AFF3: variants seen among roughly 807,000 people sequenced by gnomAD.
AFF3 encodes the protein ALF transcription elongation factor 3, also known as AF4/FMR2 family member 3.
A neutral mutation model predicts 129.7 loss-of-function variants in AFF3; 32 were observed. That is an observed-to-expected ratio of 0.25 (90% CI 0.19 to 0.33). The LOEUF (loss-of-function observed/expected upper bound fraction) is 0.33, where lower values mean the gene tolerates loss of function less well. AFF3 is among the 10% of genes least tolerant of loss of function. AFF3 has a pLI of 1.00. For missense variants in AFF3, 1,373 were observed against 1,592.0 expected (o/e 0.86, Z 2.34); for synonymous variants, 644 against 635.4 (o/e 1.01, Z -0.20).
chr2:99,964,881 T>C (rs1677589438), intron 7 of AFF3, among the ~76,000 whole-genome samples: 1 of 152,090 alleles, frequency 6.6e-6, no homozygotes, highest in Non-Finnish European at 1.5e-5. Flanking sequence ...TGGAGGAAAA[T>C]GGGTGAAGGG....
chr2:99,895,207 C>T (rs751934168), intron 7 of AFF3, among the ~76,000 whole-genome samples: 1 of 152,194 alleles, frequency 6.6e-6, no homozygotes, highest in Non-Finnish European at 1.5e-5. Flanking sequence ...ACATCAAGCT[C>T]GAAGGGCTCA....
At position 99,549,784 on chromosome 2, in the gene AFF3, T is replaced by C. The variant is rs898580513; in HGVS notation, c.*1690A>G. The C allele has an allele frequency of 5.4e-5, 12 of 222,244 alleles. No individual in the cohort carries two copies. Among genetic ancestry groups the C allele is most frequent in the South Asian group, 1.8e-4 (1 of 5,434 alleles). The allele number at this position is 222,244 out of a possible 1,614,324, so 13.8% of individuals were successfully genotyped here. On this transcript the variant is annotated 3_prime_UTR_variant, in exon 25 of 25. Transcript: ENST00000672756. ...ATCAGTGCTCAGAGCTAAGGAATTA[T>C]GATGATCTTACTTCCCACCTACAGA... is the stretch of plus-strand genomic sequence containing the variant.
intron 10 of AFF3, among the ~76,000 whole-genome samples, chr2:99,735,386 T>C (rs149354007): frequency 6.8e-6 from 1 of 146,760 alleles, no homozygotes; most frequent in African/African-American, 2.6e-5. Context: ...TCTGCTTTTG[T>C]TTTTTTTTTG....
intron 7 of AFF3, among the ~76,000 whole-genome samples, chr2:99,962,433 C>T (rs1030270435): frequency 2.6e-5 from 4 of 152,106 alleles, no homozygotes; most frequent in African/African-American, 9.7e-5. Flanking sequence ...TTAGATGATG[C>T]CAATGCTGAG....
At chr2:99,975,516 AT>A (rs1678786013) in intron 7 of AFF3, among the ~76,000 whole-genome samples, 2 of 152,222 alleles carry the variant, frequency 1.3e-5, no homozygotes, top group African/African-American at 4.8e-5. Context: ...TTCCTATGAC[AT>A]TTTGCCAATC....
chr2:99,707,071 G>T (rs1284155430), intron 11 of AFF3: 16 of 982,412 alleles, frequency 1.6e-5, no homozygotes, highest in East Asian at 1.1e-4. Context: ...TTGAAATACC[G>T]AAGATATAAT....
chr2:99,673,607 T>C (rs550376765), intron 11 of AFF3, among the ~76,000 whole-genome samples: 134 of 152,206 alleles, frequency 8.8e-4, no homozygotes, highest in Admixed American at 2.1e-3. Flanking sequence ...GAGAGCCCAC[T>C]TCTGAGGGAC....
rs200904404 is a variant in AFF3 at position 99,554,438 on chromosome 2, C to T, written c.3432G>A (p.Pro1144=). The change falls in exon 24 of 25, where the codon CCG becomes CCA. Residue 1144 remains proline, a synonymous_variant. Coordinates refer to ENST00000672756, the MANE Select transcript of AFF3 (RefSeq NM_001386135.1). Reference sequence around the variant, plus strand: ...GCTGTGGGATGCTGACGATGGTCGACGGGGACAGGGCGCTGGCGTTGGAGA... The same window carrying T: ...GCTGTGGGATGCTGACGATGGTCGATGGGGACAGGGCGCTGGCGTTGGAGA... The part of the protein sequence containing the change: ...GSLSNASALS[P]STIVSIPQRI... The T allele has an allele frequency of 3.9e-5, 63 of 1,614,110 alleles. No individual in the cohort carries two copies. The highest frequency in any genetic ancestry group is 1.7e-4 in the Admixed American group (10 of 60,022).
intron 7 of AFF3, among the ~76,000 whole-genome samples, chr2:99,970,575 G>A (rs984034339): frequency 6.6e-6 from 1 of 152,110 alleles, no homozygotes; most frequent in Non-Finnish European, 1.5e-5. Context: ...CTTCACCACA[G>A]AAACGAGCCT....
chr2:99,785,876 T>C (rs1684751600), intron 8 of AFF3, among the ~76,000 whole-genome samples: 1 of 152,118 alleles, frequency 6.6e-6, no homozygotes, highest in Non-Finnish European at 1.5e-5. Context: ...GCCTCCCGGG[T>C]AGCTGGGATT....
chr2:100,115,264 C>T (rs1412977274), intron 2 of AFF3, among the ~76,000 whole-genome samples: 1 of 152,128 alleles, frequency 6.6e-6, no homozygotes, highest in Non-Finnish European at 1.5e-5. Context: ...TATGTGTATA[C>T]CAGCCAGGAG....
At chr2:99,843,505 G>GA (rs1253562449) in intron 7 of AFF3, among the ~76,000 whole-genome samples, 1 of 152,212 alleles carries the variant, frequency 6.6e-6, no homozygotes, top group Non-Finnish European at 1.5e-5. Context: ...AAAAGGAAGA[G>GA]AAATATAATT....
chr2:99,632,690 A>G (rs1575557089), intron 13 of AFF3, among the ~76,000 whole-genome samples: 1 of 152,196 alleles, frequency 6.6e-6, no homozygotes, highest in East Asian at 1.9e-4. Flanking sequence ...TGAAAGATAG[A>G]AGAAAATTTC....
intron 13 of AFF3, among the ~76,000 whole-genome samples, chr2:99,608,435 A>AT (rs1354721542): frequency 7.2e-5 from 11 of 152,068 alleles, no homozygotes; most frequent in African/African-American, 1.4e-4. Context: ...CATGCAATGT[A>AT]TTTTTTTCTG....
chr2:99,866,282 T>C (rs371605543), intron 7 of AFF3, among the ~76,000 whole-genome samples: 105 of 152,262 alleles, frequency 6.9e-4, no homozygotes, highest in African/African-American at 2.4e-3. Context: ...AAAGCCAACA[T>C]TGGCAAATTT....
chr2:99,578,669 C>T (rs1677223559), intron 17 of AFF3, among the ~76,000 whole-genome samples: 1 of 152,196 alleles, frequency 6.6e-6, no homozygotes, highest in Non-Finnish European at 1.5e-5. Flanking sequence ...TCTTATGACA[C>T]TATCAAAAGG....
chr2:99,597,770 C>T (rs1430603159), intron 14 of AFF3, among the ~76,000 whole-genome samples: 4 of 152,230 alleles, frequency 2.6e-5, no homozygotes, highest in Non-Finnish European at 5.9e-5. Flanking sequence ...CCTCCTGAGC[C>T]GTCCATCCGG....
intron 7 of AFF3, among the ~76,000 whole-genome samples, chr2:99,997,704 C>T (rs1424630603): frequency 6.6e-6 from 1 of 152,190 alleles, no homozygotes; most frequent in African/African-American, 2.4e-5. Context: ...CCTGCCACTT[C>T]TCCCATCCCA....
At chr2:99,684,073 T>C (rs1264492084) in intron 11 of AFF3, among the ~76,000 whole-genome samples, 1 of 152,202 alleles carries the variant, frequency 6.6e-6, no homozygotes, top group Non-Finnish European at 1.5e-5. Flanking sequence ...GCATGGACTG[T>C]AGGGGGAGAA....
Sources: gnomAD v4.1 joint callset for allele counts (sites outside exome capture counted in the v4.1 genomes callset) on GRCh38, gnomAD v4.1.1 for gene constraint, MANE v1.5 for transcripts, NCBI Gene and HGNC (gene_info 2026-07-23, HGNC 2026-07-21) for gene names.